Variants in COL6A5 observed in about 807,000 individuals in gnomAD.
COL6A5 encodes the protein collagen alpha-5(VI) chain.
Under a neutral mutation model 65.6 loss-of-function variants are expected in COL6A5, and 48 were observed. That is an observed-to-expected ratio of 0.73 (90% CI 0.58 to 0.93). The LOEUF is 0.93. COL6A5 is among the 40% of genes least tolerant of loss of function. The pLI is 0.00. For missense variants in COL6A5, 914 were observed against 928.3 expected (o/e 0.98, Z 0.20); for synonymous variants, 291 against 322.8 (o/e 0.90, Z 1.05).
chr3:130,383,125 C>T (rs1936064340), intron 4 of COL6A5, among the ~76,000 whole-genome samples: 1 of 151,962 alleles, frequency 6.6e-6, no homozygotes, highest in African/African-American at 2.4e-5. Context: ...CAGGTGAGGC[C>T]TTGAGCCAAG....
chr3:130,353,635 CAAAGA>C (rs1934801835), intron 1 of COL6A5, among the ~76,000 whole-genome samples: 1 of 145,816 alleles, frequency 6.9e-6, no homozygotes, highest in South Asian at 2.2e-4. Flanking sequence ...ATGCAGACTA[CAAAGA>C]AAAGAGAGAG....
intron 8 of COL6A5, among the ~76,000 whole-genome samples, chr3:130,396,987 C>T (rs1450642054): frequency 3.3e-5 from 5 of 152,222 alleles, no homozygotes; most frequent in East Asian, 1.9e-4. Context: ...CTCAGTCTCC[C>T]GAATAGCTGG....
At chr3:130,397,701 C>A in exon 9 of COL6A5, 1 of 1,549,590 alleles carries the variant, frequency 6.5e-7, no homozygotes, top group East Asian at 2.4e-5. Flanking sequence ...AAGACATCAG[C>A]TCTATCAAGG....
chr3:130,438,018 G>C (rs1305912020), intron 1 of COL6A5, among the ~76,000 whole-genome samples: 1 of 151,862 alleles, frequency 6.6e-6, no homozygotes, highest in Admixed American at 6.6e-5. Context: ...TTGTTTTTGT[G>C]AGAAAAGTCT....
At chr3:130,426,450 G>T in intron 31 of COL6A5, 47 bp downstream of exon 31, 2 of 1,534,764 alleles carry the variant, frequency 1.3e-6, no homozygotes, top group Non-Finnish European at 1.8e-6. Flanking sequence ...GGTTGGTGAG[G>T]CACTTAGGAC....
At chr3:130,416,008 T>G (rs1383911798) in intron 23 of COL6A5, among the ~76,000 whole-genome samples, 2 of 152,146 alleles carry the variant, frequency 1.3e-5, no homozygotes, top group Non-Finnish European at 2.9e-5. Context: ...TGATACATTA[T>G]TCTGATTTTT....
intron 3 of COL6A5, 21 bp from the exon 36 acceptor site, chr3:130,443,455 A>G: frequency 6.5e-7 from 1 of 1,542,944 alleles, no homozygotes; most frequent in African/African-American, 1.4e-5. Context: ...AAATCTAACT[A>G]TAACTTTGTT....
chr3:130,449,199 G>C (rs73871008), intron 4 of COL6A5, among the ~76,000 whole-genome samples: 5,073 of 152,200 alleles, frequency 0.033, 186 homozygotes, highest in African/African-American at 0.095. Context: ...GATAGGATTC[G>C]GAGGCGTGGC....
chr3:130,478,461 C>A (rs1343280803), intron 7 of COL6A5, among the ~76,000 whole-genome samples: 1 of 151,998 alleles, frequency 6.6e-6, no homozygotes, highest in African/African-American at 2.4e-5. Flanking sequence ...GGGTGACACA[C>A]AAAGATTTTC....
At chr3:130,418,810 C>T (rs1051642614) in intron 24 of COL6A5, 59 bp from the exon 25 acceptor site, 19 of 1,362,970 alleles carry the variant, frequency 1.4e-5, no homozygotes, top group Middle Eastern at 1.8e-4. Flanking sequence ...CAGAACTTAC[C>T]GTGGTAGGAA....
chr3:130,431,331 G>A, upstream of COL6A5: 1 of 962,604 alleles, frequency 1.0e-6, no homozygotes, highest in Non-Finnish European at 1.6e-6. Flanking sequence ...TTTGCACATG[G>A]GTACCTTTAG....
At chr3:130,373,657 A>G in exon 2 of COL6A5, 1 of 1,540,106 alleles carries the variant, frequency 6.5e-7, no homozygotes, top group Non-Finnish European at 8.8e-7. Flanking sequence ...CTTGCTAATT[A>G]TATTTGTCCT....
At chr3:130,412,985 A>G (rs761277779) in intron 20 of COL6A5, among the ~76,000 whole-genome samples, 13 of 152,182 alleles carry the variant, frequency 8.5e-5, no homozygotes, top group Non-Finnish European at 1.8e-4. Flanking sequence ...GGTGGTCGAG[A>G]TGTTCCACAG....
chr3:130,428,721 G>A (rs1431874203), upstream of COL6A5, among the ~76,000 whole-genome samples: 1 of 152,164 alleles, frequency 6.6e-6, no homozygotes, highest in East Asian at 1.9e-4. Flanking sequence ...ATGCAAAGGA[G>A]GCTGTGGGTT....
intron 4 of COL6A5, among the ~76,000 whole-genome samples, chr3:130,453,794 T>C (rs557941250): frequency 1.3e-5 from 2 of 152,144 alleles, no homozygotes; most frequent in Admixed American, 6.5e-5. Context: ...AAGGAGCTTC[T>C]CAGAGCAGAT....
rs1024238130 is a variant in COL6A5 at position 130,395,017 on chromosome 3, A to G, written c.3120A>G (p.Gln1040=). ...TCGATAATTTTGACATTCAGTCTCAAAGAATGAAAATTGGTATGGCTCAAT... is the reference window on the plus strand; with the variant it reads ...TCGATAATTTTGACATTCAGTCTCAGAGAATGAAAATTGGTATGGCTCAAT... The change falls in exon 8 of 42, where the codon CAA becomes CAG. Residue 1040 remains glutamine (Q), a synonymous_variant and NMD_transcript_variant. Transcript: ENST00000312481. The G allele has an allele frequency of 8.4e-6, 13 of 1,551,444 alleles. No homozygotes were observed. The African/African-American group carries it at 1.8e-4, about 21-fold the overall frequency.
intron 17 of COL6A5, among the ~76,000 whole-genome samples, chr3:130,406,630 C>T (rs529508633): frequency 1.3e-5 from 2 of 151,830 alleles, no homozygotes; most frequent in South Asian, 2.1e-4. Flanking sequence ...TTTACCACAA[C>T]GTTTCCATCA....
At chr3:130,456,941 T>TA (rs1302046832) in intron 5 of COL6A5, among the ~76,000 whole-genome samples, 8 of 152,008 alleles carry the variant, frequency 5.3e-5, no homozygotes, top group South Asian at 4.2e-4. Context: ...CAATTAAGGA[T>TA]AAAAAAGACA....
chr3:130,472,856 T>TATATATATATATATATAC (rs752157374), intron 7 of COL6A5, among the ~76,000 whole-genome samples: 1 of 143,372 alleles, frequency 7.0e-6, no homozygotes, highest in Non-Finnish European at 1.5e-5. Flanking sequence ...TATATATATA[T>TATATATATATATATATAC]ATACACATTT....
Sources: gnomAD v4.1 joint callset for allele counts (sites outside exome capture counted in the v4.1 genomes callset) on GRCh38, gnomAD v4.1.1 for gene constraint, MANE v1.5 for transcripts, NCBI Gene and HGNC (gene_info 2026-07-23, HGNC 2026-07-21) for gene names.